CNIH3: variants seen among roughly 807,000 people sequenced by gnomAD.
CNIH3 encodes the protein protein cornichon homolog 3.
CNIH3 carries 14 observed loss-of-function variants against 24.1 expected under a neutral mutation model. The observed-to-expected ratio is 0.58, with a 90% CI of 0.38 to 0.91. The LOEUF (loss-of-function observed/expected upper bound fraction) is 0.91, where lower values mean the gene tolerates loss of function less well. Ranked by LOEUF, CNIH3 falls within the 40% of genes least tolerant of loss-of-function variation. The probability of loss-of-function intolerance (pLI) is 0.00; values close to 1 mark genes in which losing one functional copy is unlikely to be tolerated. For synonymous variants in CNIH3, 68 were observed against 73.8 expected (o/e 0.92, Z 0.40); for missense variants, 178 against 196.8 (o/e 0.90, Z 0.57).
Position 224,593,658 on chromosome 1 carries a change from C to T in CNIH3, n.402+27394C>T, listed in dbSNP as rs573850887. Among the ~76,000 whole-genome samples, 450 of 151,516 alleles carry T rather than the reference C, an allele frequency of 3.0e-3. 1 individual carries two copies. Among genetic ancestry groups the T allele is most frequent in the African/African-American group, 0.01 (427 of 41,260 alleles). ...TATGTATCAAAACATCATATGGACC[C>T]CACAAATAGGTAAAATTATTGTCAA... is the stretch of plus-strand genomic sequence containing the variant. On this transcript the variant is annotated intron_variant and non_coding_transcript_variant, in intron 3 of 7. Transcript: ENST00000478120.
intron 1 of CNIH3, among the ~76,000 whole-genome samples, chr1:224,459,834 C>T (rs1455291499): frequency 6.6e-6 from 1 of 151,600 alleles, no homozygotes; most frequent in African/African-American, 2.4e-5. Context: ...GTTCAGTTCC[C>T]CTGCACACCC....
chr1:224,466,072 T>G (rs992965797), intron 1 of CNIH3, among the ~76,000 whole-genome samples: 1 of 152,122 alleles, frequency 6.6e-6, no homozygotes, highest in Admixed American at 6.6e-5. Context: ...GAAATTGGCA[T>G]TAGTACAATC....
At chr1:224,544,541 A>G (rs1679630584) in intron 2 of CNIH3, among the ~76,000 whole-genome samples, 1 of 152,208 alleles carries the variant, frequency 6.6e-6, no homozygotes, top group Non-Finnish European at 1.5e-5. Flanking sequence ...AATTGGTAAC[A>G]GAGGTCTTGG....
intron 1 of CNIH3, among the ~76,000 whole-genome samples, chr1:224,653,997 C>G (rs1357990282): frequency 6.6e-6 from 1 of 151,938 alleles, no homozygotes; most frequent in Non-Finnish European, 1.5e-5. Flanking sequence ...GAGAGGATCA[C>G]ATGAGCCTGA....
intron 3 of CNIH3, among the ~76,000 whole-genome samples, chr1:224,558,139 T>G (rs538841588): frequency 6.6e-6 from 1 of 152,136 alleles, no homozygotes; most frequent in Non-Finnish European, 1.5e-5. Flanking sequence ...GCTGTAGCCA[T>G]CTGATGGCTG....
chr1:224,606,086 C>T lies in CNIH3; in HGVS notation n.402+39822C>T, dbSNP rs755398721. 3.0e-4 allele frequency among the ~76,000 whole-genome samples: 46 copies of T among 152,052 alleles called. 1 individual carries two copies. The highest frequency in any genetic ancestry group is 5.8e-4 in the African/African-American group (24 of 41,398). On this transcript the variant is annotated intron_variant and non_coding_transcript_variant, in intron 3 of 7. Coordinates refer to the CNIH3 transcript ENST00000478120. ...GGCCGGGATGAGTGCTTCTGGGTGC[C>T]GGCAGGAGTAAACACTGTGTGGTCT...
chr1:224,490,395 T>C (rs964523702), intron 1 of CNIH3, among the ~76,000 whole-genome samples: 7 of 152,182 alleles, frequency 4.6e-5, no homozygotes, highest in African/African-American at 1.7e-4. Context: ...GGTTTTTGTG[T>C]TTTGTTTTGT....
At chr1:224,575,963 A>G (rs1356047199) in intron 4 of CNIH3, among the ~76,000 whole-genome samples, 1 of 152,214 alleles carries the variant, frequency 6.6e-6, no homozygotes, top group Non-Finnish European at 1.5e-5. Flanking sequence ...AGGGAACTTT[A>G]TTAAAAAGAT....
intron 1 of CNIH3, among the ~76,000 whole-genome samples, chr1:224,670,226 G>A (rs970722220): frequency 2.0e-5 from 3 of 152,140 alleles, no homozygotes; most frequent in African/African-American, 7.2e-5. Context: ...AGCCGGGGTG[G>A]TCCATTTTGT....
At chr1:224,540,646 A>G (rs1679478404), downstream of CNIH3, among the ~76,000 whole-genome samples, 1 of 152,076 alleles carries the variant, frequency 6.6e-6, no homozygotes, top group Admixed American at 6.6e-5. Context: ...CCAAACCCCT[A>G]CCTCCAGCTC....
chr1:224,645,128 A>G (rs919258481), intron 1 of CNIH3, among the ~76,000 whole-genome samples: 1 of 152,192 alleles, frequency 6.6e-6, no homozygotes, highest in Admixed American at 6.5e-5. Flanking sequence ...GCAGAAATAC[A>G]CAAGAGGGAG....
At chr1:224,582,895 A>G (rs1203247158) in intron 4 of CNIH3, among the ~76,000 whole-genome samples, 1 of 152,156 alleles carries the variant, frequency 6.6e-6, no homozygotes, top group Non-Finnish European at 1.5e-5. Flanking sequence ...ATCTTTGTTG[A>G]GTCCTTTCTC....
chr1:224,625,923 G>A (rs2125071126), intron 1 of CNIH3, among the ~76,000 whole-genome samples: 1 of 151,700 alleles, frequency 6.6e-6, no homozygotes, highest in East Asian at 1.9e-4. Context: ...CGATCCCACT[G>A]CTATCTTGTA....
At chr1:224,573,726 T>C (rs1310012182) in intron 4 of CNIH3, among the ~76,000 whole-genome samples, 1 of 152,172 alleles carries the variant, frequency 6.6e-6, no homozygotes, top group Non-Finnish European at 1.5e-5. Flanking sequence ...TGTTTGTCTT[T>C]TTTCCATGTT....
intron 3 of CNIH3, among the ~76,000 whole-genome samples, chr1:224,559,153 A>G (rs1680261454): frequency 6.6e-6 from 1 of 152,152 alleles, no homozygotes; most frequent in Non-Finnish European, 1.5e-5. Flanking sequence ...AGGGAAGGGA[A>G]TCTTTGCCTG....
chr1:224,619,351 G>A (rs1165430827), intron 1 of CNIH3, among the ~76,000 whole-genome samples: 1 of 152,228 alleles, frequency 6.6e-6, no homozygotes, highest in Non-Finnish European at 1.5e-5. Context: ...ATCGAGGGGT[G>A]GCTGAAATGC....
chr1:224,718,100 G>A (rs1215127191), intron 3 of CNIH3, among the ~76,000 whole-genome samples: 3 of 152,210 alleles, frequency 2.0e-5, no homozygotes, highest in African/African-American at 7.2e-5. Context: ...GAACATTCAA[G>A]TGTGGGAAAT....
intron 5 of CNIH3, among the ~76,000 whole-genome samples, chr1:224,737,215 C>T (rs1203884145): frequency 6.8e-5 from 1 of 14,692 alleles, no homozygotes; most frequent in Non-Finnish European, 1.2e-4. Context: ...TGCTCCGCTG[C>T]GGGGGTGGGA....
intron 1 of CNIH3, among the ~76,000 whole-genome samples, chr1:224,642,294 G>A (rs1202485454): frequency 6.6e-6 from 1 of 152,118 alleles, no homozygotes; most frequent in Non-Finnish European, 1.5e-5. Context: ...ACAGTGGTGC[G>A]ATTATGGCTC....
Sources: allele counts gnomAD v4.1 joint callset (sites outside exome capture counted in the v4.1 genomes callset), GRCh38; gene constraint gnomAD v4.1.1; transcripts MANE v1.5; gene names NCBI Gene and HGNC (gene_info 2026-07-23, HGNC 2026-07-21).